The following GIGYF2 variants were observed in gnomAD, a reference collection of about 807,000 sequenced individuals.
GIGYF2 encodes the protein GRB10 interacting GYF protein 2, also known as GRB10-interacting GYF protein 2.
GIGYF2 carries 25 observed loss-of-function variants against 208.1 expected under a neutral mutation model. The ratio of observed to expected loss-of-function variants is 0.12; its 90% confidence interval spans 0.09 to 0.17. The LOEUF (loss-of-function observed/expected upper bound fraction) is 0.17. Ranked by LOEUF, GIGYF2 falls within the 10% of genes least tolerant of loss-of-function variation. The probability of loss-of-function intolerance (pLI) is 1.00; values close to 1 mark genes in which losing one functional copy is unlikely to be tolerated. For synonymous variants in GIGYF2, 534 were observed against 543.8 expected (o/e 0.98, Z 0.25); for missense variants, 1,302 against 1,579.4 (o/e 0.82, Z 2.98).
chr2:232,775,500 C>T (rs529456441), intron 8 of GIGYF2, among the ~76,000 whole-genome samples: 1 of 152,232 alleles, frequency 6.6e-6, no homozygotes, highest in African/African-American at 2.4e-5. Context: ...AAAAATTATA[C>T]TATTGTTACC....
intron 8 of GIGYF2, among the ~76,000 whole-genome samples, chr2:232,777,935 A>G (rs1699581026): frequency 6.6e-6 from 1 of 152,010 alleles, no homozygotes. Flanking sequence ...TTGAATATAC[A>G]TTGTATATTT....
intron 21 of GIGYF2, among the ~76,000 whole-genome samples, chr2:232,825,714 AT>A (rs1183997037): frequency 2.0e-5 from 3 of 149,726 alleles, no homozygotes; most frequent in East Asian, 1.9e-4. Context: ...ATTGACTCCA[AT>A]TTTTTTTTTA....
intron 13 of GIGYF2, among the ~76,000 whole-genome samples, chr2:232,795,430 G>T (rs2106368588): frequency 6.6e-6 from 1 of 152,256 alleles, no homozygotes; most frequent in Middle Eastern, 3.4e-3. Context: ...CTTTGGGGTG[G>T]GATGGTTAGT....
chr2:232,766,762 C>T (rs1698979858), intron 8 of GIGYF2: 1 of 152,180 alleles, frequency 6.6e-6, no homozygotes, highest in African/African-American at 2.4e-5. Context: ...GCTGCTGAGC[C>T]CTGCTCTTCA....
chr2:232,750,078 G>A (rs1698283953), intron 5 of GIGYF2, among the ~76,000 whole-genome samples: 1 of 152,004 alleles, frequency 6.6e-6, no homozygotes, highest in African/African-American at 2.4e-5. Context: ...CCAGCTACTT[G>A]GGAGGCTGAG....
intron 28 of GIGYF2, among the ~76,000 whole-genome samples, chr2:232,853,958 C>A (rs1321934358): frequency 6.6e-6 from 1 of 152,196 alleles, no homozygotes; most frequent in Non-Finnish European, 1.5e-5. Flanking sequence ...ACATATTAAT[C>A]AACTTTTTTT....
At position 232,837,313 on chromosome 2, in the gene GIGYF2, T is replaced by C. The variant is rs572476878; in HGVS notation, c.2767-2536T>C. Among the ~76,000 whole-genome samples, 77 of 152,362 alleles carry C rather than the reference T, an allele frequency of 5.1e-4. 1 individual carries two copies. Among genetic ancestry groups the C allele is most frequent in the South Asian group, 2.9e-3 (14 of 4,830 alleles). ...CTGTACCAGTCTAGAGTGGAGTTTC[T>C]GTCTCATTAAGCTGGGAGGAGAGAA... On this transcript the variant is annotated intron_variant, in intron 22 of 28. Coordinates refer to ENST00000373563, the MANE Select transcript of GIGYF2 (RefSeq NM_001103146.3).
chr2:232,792,427 C>G (rs1187116282), intron 12 of GIGYF2, among the ~76,000 whole-genome samples: 4 of 152,084 alleles, frequency 2.6e-5, no homozygotes, highest in African/African-American at 7.2e-5. Flanking sequence ...TAGAACAAAG[C>G]TGATTATTTT....
intron 21 of GIGYF2, among the ~76,000 whole-genome samples, chr2:232,826,389 T>C (rs565618400): frequency 2.0e-5 from 3 of 152,228 alleles, no homozygotes; most frequent in African/African-American, 7.2e-5. Flanking sequence ...TTTTAATGAT[T>C]GCCATTCTAA....
intron 1 of GIGYF2, among the ~76,000 whole-genome samples, chr2:232,698,488 G>GA (rs1018288495): frequency 1.3e-5 from 2 of 151,304 alleles, no homozygotes; most frequent in Admixed American, 6.6e-5. Context: ...TCCTAGATTA[G>GA]AAAAAAAAAT....
intron 8 of GIGYF2, chr2:232,765,746 C>T: frequency 3.2e-6 from 1 of 316,822 alleles, no homozygotes. Flanking sequence ...GTATGAAGTA[C>T]TTGTTAATAG....
At chr2:232,742,009 TC>T (rs1337309723) in intron 3 of GIGYF2, among the ~76,000 whole-genome samples, 2 of 151,816 alleles carry the variant, frequency 1.3e-5, no homozygotes, top group African/African-American at 4.9e-5. Context: ...CCTTTCTCCT[TC>T]CCACTTAACA....
chr2:232,786,598 T>G (rs145947480), intron 8 of GIGYF2, among the ~76,000 whole-genome samples: 3 of 152,238 alleles, frequency 2.0e-5, no homozygotes, highest in Non-Finnish European at 4.4e-5. Context: ...ATATCATGTT[T>G]AGGCAGAATC....
chr2:232,828,142 A>G (rs2106404486), intron 21 of GIGYF2, among the ~76,000 whole-genome samples: 1 of 152,140 alleles, frequency 6.6e-6, no homozygotes, highest in East Asian at 1.9e-4. Context: ...GATGTGTGCT[A>G]CCACACCTGG....
intron 1 of GIGYF2, among the ~76,000 whole-genome samples, chr2:232,699,327 A>G (rs1215504054): frequency 1.3e-5 from 2 of 152,240 alleles, no homozygotes; most frequent in Non-Finnish European, 2.9e-5. Context: ...CTGAGAGGCT[A>G]GGGTGAGTGG....
At chr2:232,801,248 G>A (rs966373931) in intron 14 of GIGYF2, among the ~76,000 whole-genome samples, 2 of 152,022 alleles carry the variant, frequency 1.3e-5, no homozygotes, top group Admixed American at 6.6e-5. Flanking sequence ...CATATAAGGG[G>A]CTGGGCGTGG....
At chr2:232,795,561 A>G (rs775668234) in intron 13 of GIGYF2, among the ~76,000 whole-genome samples, 73 of 152,194 alleles carry the variant, frequency 4.8e-4, no homozygotes, top group Admixed American at 4.8e-3. Flanking sequence ...TTACAGGTTT[A>G]GTTTATACCA....
At chr2:232,811,080 T>C in intron 16 of GIGYF2, 164 bp from the exon 17 acceptor site, 1 of 591,940 alleles carries the variant, frequency 1.7e-6, no homozygotes, top group Admixed American at 2.7e-5. Flanking sequence ...GCATAGAATT[T>C]TCTATGTGTC....
At chr2:232,749,444 G>C (rs1244228086) in intron 5 of GIGYF2, among the ~76,000 whole-genome samples, 6 of 152,034 alleles carry the variant, frequency 3.9e-5, no homozygotes, top group Non-Finnish European at 5.9e-5. Context: ...ACCACTAAGG[G>C]AAAAATGTAG....
Sources: allele counts gnomAD v4.1 joint callset (sites outside exome capture counted in the v4.1 genomes callset), GRCh38; gene constraint gnomAD v4.1.1; transcripts MANE v1.5; gene names NCBI Gene and HGNC (gene_info 2026-07-23, HGNC 2026-07-21).